STARD13: variants seen among roughly 807,000 people sequenced by gnomAD.
STARD13 encodes stAR-related lipid transfer protein 13.
Under a neutral mutation model 106.4 loss-of-function variants are expected in STARD13, and 62 were observed. That is an observed-to-expected ratio of 0.58 (90% confidence interval 0.48 to 0.72). STARD13 has a LOEUF of 0.72. Among genes scored for constraint, STARD13 ranks in the 30% least tolerant of loss-of-function variants. STARD13 has a pLI of 0.00. For synonymous variants in STARD13, 565 were observed against 553.0 expected (o/e 1.02, Z -0.31); for missense variants, 1,387 against 1,424.0 (o/e 0.97, Z 0.42).
chr13:33,443,690 C>T, the STARD13 span, among the ~76,000 whole-genome samples: 31 of 151,926 alleles, frequency 2.0e-4, no homozygotes, highest in African/African-American at 6.8e-4. Context: ...TCAAGACCAG[C>T]GTGGCCAACA....
At chr13:33,110,521 G>A (rs562000529) in intron 11 of STARD13, among the ~76,000 whole-genome samples, 165 bp downstream of exon 11, 2 of 152,280 alleles carry the variant, frequency 1.3e-5, no homozygotes, top group East Asian at 3.9e-4. Context: ...TCTGATTATA[G>A]GCAACAGATC....
chr13:33,627,093 C>A, the STARD13 span, among the ~76,000 whole-genome samples: 1 of 152,210 alleles, frequency 6.6e-6, no homozygotes, highest in Non-Finnish European at 1.5e-5. Flanking sequence ...TAATCACAAA[C>A]ACTAATATTT....
chr13:33,172,352 G>T (rs1884059704), intron 1 of STARD13, among the ~76,000 whole-genome samples: 3 of 152,224 alleles, frequency 2.0e-5, no homozygotes, highest in Admixed American at 2.0e-4. Flanking sequence ...GTAGCCAAGA[G>T]AAAAGAGTTC....
intron 1 of STARD13, among the ~76,000 whole-genome samples, chr13:33,228,893 T>A (rs1165895200): frequency 6.6e-6 from 1 of 152,236 alleles, no homozygotes; most frequent in African/African-American, 2.4e-5. Flanking sequence ...ATCATAATTG[T>A]GGATAAAATA....
chr13:33,311,794 G>A (rs560412167), intron 1 of STARD13, among the ~76,000 whole-genome samples: 24 of 152,306 alleles, frequency 1.6e-4, no homozygotes, highest in African/African-American at 3.6e-4. Flanking sequence ...GCAGGCAGCC[G>A]TGAGAGAAGA....
intron 3 of STARD13, among the ~76,000 whole-genome samples, chr13:33,156,983 T>C (rs1882056741): frequency 6.6e-6 from 1 of 152,200 alleles, no homozygotes; most frequent in Non-Finnish European, 1.5e-5. Flanking sequence ...CATAATAATT[T>C]GAAATGTAAT....
the STARD13 span, among the ~76,000 whole-genome samples, chr13:33,388,860 C>T: frequency 2.0e-5 from 3 of 151,986 alleles, no homozygotes; most frequent in African/African-American, 7.2e-5. Flanking sequence ...GCTGCCGGTG[C>T]CTTGTGACTT....
At chr13:33,437,139 A>G in the STARD13 span, among the ~76,000 whole-genome samples, 75,033 of 152,068 alleles carry the variant, frequency 0.49, 19,550 homozygotes, top group African/African-American at 0.67. Context: ...GGGCCTGGTA[A>G]TTAAAGATTG....
the STARD13 span, among the ~76,000 whole-genome samples, chr13:33,601,881 A>T: frequency 1.3e-5 from 2 of 152,144 alleles, no homozygotes; most frequent in South Asian, 2.1e-4. Context: ...TTTCCTGAGG[A>T]TGCTGCGATC....
At chr13:33,543,616 C>T in the STARD13 span, among the ~76,000 whole-genome samples, 1 of 152,116 alleles carries the variant, frequency 6.6e-6, no homozygotes. Flanking sequence ...GTTAACTTGA[C>T]TCTTTGATTG....
At chr13:33,344,259 T>C (rs1198881745), downstream of STARD13, among the ~76,000 whole-genome samples, 1 of 152,248 alleles carries the variant, frequency 6.6e-6, no homozygotes, top group Non-Finnish European at 1.5e-5. Flanking sequence ...AGTGATGTGC[T>C]CTTCTTTTCT....
the STARD13 span, among the ~76,000 whole-genome samples, chr13:33,622,309 T>G: frequency 6.6e-6 from 1 of 152,038 alleles, no homozygotes; most frequent in African/African-American, 2.4e-5. Flanking sequence ...TCTAACACTT[T>G]AATCTAGTAA....
the STARD13 span, among the ~76,000 whole-genome samples, chr13:33,670,578 G>C: frequency 6.6e-6 from 1 of 152,126 alleles, no homozygotes; most frequent in Non-Finnish European, 1.5e-5. Context: ...ATTCCAACCT[G>C]TTAAGATCTG....
the STARD13 span, among the ~76,000 whole-genome samples, chr13:33,417,451 G>A: frequency 1.2e-4 from 19 of 152,066 alleles, no homozygotes; most frequent in African/African-American, 2.9e-4. Context: ...AAACATGTCC[G>A]CACAAAAACC....
intron 1 of STARD13, among the ~76,000 whole-genome samples, chr13:33,312,663 A>C (rs985052363): frequency 6.6e-6 from 1 of 152,212 alleles, no homozygotes; most frequent in African/African-American, 2.4e-5. Flanking sequence ...CTCCTTCTAA[A>C]TGAGTCAGTG....
intron 1 of STARD13, among the ~76,000 whole-genome samples, chr13:33,200,820 G>A (rs1438713065): frequency 6.6e-6 from 1 of 151,902 alleles, no homozygotes; most frequent in Non-Finnish European, 1.5e-5. Flanking sequence ...AGGAGATTGA[G>A]ACCATCCTGG....
chr13:33,460,215 C>T, the STARD13 span, among the ~76,000 whole-genome samples: 2 of 151,844 alleles, frequency 1.3e-5, no homozygotes, highest in South Asian at 2.1e-4. Context: ...GGGCCGGGCA[C>T]GATGGCTCAT....
chr13:33,207,455 G>T (rs1887484528), intron 1 of STARD13, among the ~76,000 whole-genome samples: 1 of 152,118 alleles, frequency 6.6e-6, no homozygotes. Flanking sequence ...GGAGTATAGA[G>T]TATTGTGAGA....
chr13:33,557,312 C>T, the STARD13 span, among the ~76,000 whole-genome samples: 2 of 151,924 alleles, frequency 1.3e-5, no homozygotes, highest in Admixed American at 1.3e-4. Flanking sequence ...TTCACCCGGG[C>T]GATGTAATGA....
Sources: allele counts gnomAD v4.1 joint callset (sites outside exome capture counted in the v4.1 genomes callset), GRCh38; gene constraint gnomAD v4.1.1; transcripts MANE v1.5; gene names NCBI Gene and HGNC (gene_info 2026-07-23, HGNC 2026-07-21).